Variants in PDLIM5 observed in about 807,000 individuals in gnomAD.
The protein encoded by PDLIM5 is PDZ and LIM domain protein 5.
A neutral mutation model predicts 64.2 loss-of-function variants in PDLIM5; 34 were observed. That is an observed-to-expected ratio of 0.53 (90% CI 0.40 to 0.71). The LOEUF (loss-of-function observed/expected upper bound fraction) is 0.71. PDLIM5 is among the 30% of genes least tolerant of loss of function. The pLI is 0.00. For synonymous variants in PDLIM5, 253 were observed against 269.1 expected, an observed-to-expected ratio of 0.94 and a Z score of 0.59; for missense variants, 683 against 733.6, an observed-to-expected ratio of 0.93 and a Z score of 0.80.
chr4:94,530,510 AATAT>A lies in PDLIM5; in HGVS notation c.248+6669_248+6672del, dbSNP rs36209951. On this transcript the variant is annotated intron_variant, in intron 3 of 12. Coordinates refer to ENST00000317968, the MANE Select transcript of PDLIM5 (RefSeq NM_006457.5). ...TAAATTAATCCTCTTGGAATCACAG[AATAT>A]ATATATATATATATATATATATATA... is the stretch of plus-strand genomic sequence containing the variant. 2.6e-3 allele frequency among the ~76,000 whole-genome samples: 365 copies of A among 140,564 alleles called. 4 individuals are homozygous for A. The highest frequency in any genetic ancestry group is 9.8e-3 in the African/African-American group (346 of 35,174). The allele number at this position is 140,564 out of a possible 152,430, so 92.2% of individuals were successfully genotyped here.
chr4:94,533,766 A>G (rs909787480), intron 3 of PDLIM5, among the ~76,000 whole-genome samples: 3 of 152,194 alleles, frequency 2.0e-5, no homozygotes, highest in Non-Finnish European at 2.9e-5. Flanking sequence ...TACGGTATCC[A>G]TTGTAAAGTA....
chr4:94,523,889 T>C lies in PDLIM5; in HGVS notation c.248+14T>C, dbSNP rs1730085865. ...GACTCTGCAAAGGTAAGTTGCTTTT[T>C]GTTTGTCCCTGAAAGAGAAAACAAC... On this transcript the variant is annotated intron_variant, in intron 3 of 12. Transcript: ENST00000317968. The C allele has an allele frequency of 1.9e-6, 3 of 1,602,450 alleles. No individual in the cohort carries two copies. The highest frequency in any genetic ancestry group is 1.7e-5 in the Admixed American group (1 of 59,400).
At chr4:94,567,946 G>T (rs1348775267) in intron 3 of PDLIM5, among the ~76,000 whole-genome samples, 1 of 152,144 alleles carries the variant, frequency 6.6e-6, no homozygotes, top group Non-Finnish European at 1.5e-5. Context: ...AAAAGTTTTG[G>T]GTAGAGGAGA....
chr4:94,549,334 A>G (rs891172825), intron 3 of PDLIM5, among the ~76,000 whole-genome samples: 1 of 152,032 alleles, frequency 6.6e-6, no homozygotes, highest in Non-Finnish European at 1.5e-5. Flanking sequence ...TAGATTGCCT[A>G]TTTGTATGTA....
At chr4:94,634,829 C>G in intron 8 of PDLIM5, among the ~76,000 whole-genome samples, 1 of 152,130 alleles carries the variant, frequency 6.6e-6, no homozygotes, top group East Asian at 1.9e-4. Flanking sequence ...ACACGTACTA[C>G]CGGGAACTTG....
At chr4:94,626,421 C>G (rs534829954) in intron 8 of PDLIM5, among the ~76,000 whole-genome samples, 2 of 152,282 alleles carry the variant, frequency 1.3e-5, no homozygotes, top group East Asian at 3.9e-4. Flanking sequence ...GTTTAGAGTT[C>G]TGTAGTGAGT....
rs576758803 is a variant in PDLIM5, at chr4:94,648,850, G to A, written c.1284-5610G>A. Among the ~76,000 whole-genome samples the A allele has an allele frequency of 1.1e-3, 172 of 152,318 alleles. 1 individual carries two copies. The highest frequency in any genetic ancestry group is 3.9e-3 in the African/African-American group (164 of 41,582). On this transcript the variant is annotated intron_variant, in intron 9 of 12. Coordinates refer to ENST00000317968, the MANE Select transcript of PDLIM5 (RefSeq NM_006457.5). The stretch of plus-strand genomic sequence containing the variant: ...TTTCTTCCTCAGGGCCAGCAGTAGA[G>A]CCTCTCCTGTTGCTTTTTAACTTCT...
intron 11 of PDLIM5, among the ~76,000 whole-genome samples, chr4:94,661,822 CTT>C (rs869268659): frequency 2.8e-5 from 4 of 142,302 alleles, no homozygotes; most frequent in Non-Finnish European, 3.1e-5. Flanking sequence ...CAGAACAGTT[CTT>C]TTTTTTTTTT....
chr4:94,474,564 T>A (rs1316888119), intron 2 of PDLIM5, among the ~76,000 whole-genome samples: 1 of 152,188 alleles, frequency 6.6e-6, no homozygotes, highest in African/African-American at 2.4e-5. Context: ...TTACACCTTT[T>A]GAAGACAGCT....
chr4:94,566,714 A>G (rs776870762), intron 3 of PDLIM5, among the ~76,000 whole-genome samples: 13 of 152,230 alleles, frequency 8.5e-5, no homozygotes, highest in Non-Finnish European at 1.8e-4. Context: ...AGGCCTGAAT[A>G]TGAAAGGCGG....
intron 4 of PDLIM5, among the ~76,000 whole-genome samples, chr4:94,574,811 C>T (rs1370783683): frequency 6.6e-6 from 1 of 151,790 alleles, no homozygotes; most frequent in East Asian, 1.9e-4. Context: ...GTTGTTTTTT[C>T]TTTGGCTGCT....
rs1310190171 is a variant in PDLIM5, at chr4:94,575,812, C to A, written c.488C>A (p.Pro163His). ...AHATTSSHASPSPVAAVTPPL... is the reference protein window; with the variant it reads ...AHATTSSHASHSPVAAVTPPL... ...GCGACCACCTCATCACATGCTTCCCCTTCACCCGTGGCTGCCGTCACTCCT... is the reference window on the plus strand; with the variant it reads ...GCGACCACCTCATCACATGCTTCCCATTCACCCGTGGCTGCCGTCACTCCT... The change falls in exon 5 of 13, where the codon CCT becomes CAT. Residue 163 changes from proline (P) to histidine (H), a missense_variant. Pro to His is a moderately conservative substitution (Grantham distance 77). Transcript: ENST00000317968. 1 of 1,614,162 alleles carries A rather than the reference C, an allele frequency of 6.2e-7. No homozygotes were observed.
chr4:94,518,027 T>A (rs188500206), intron 2 of PDLIM5, among the ~76,000 whole-genome samples: 4 of 152,322 alleles, frequency 2.6e-5, no homozygotes, highest in Admixed American at 2.6e-4. Flanking sequence ...ATTGTGTACA[T>A]TTTGAGTATT....
At chr4:94,471,730 A>T (rs1724887093) in intron 2 of PDLIM5, among the ~76,000 whole-genome samples, 1 of 152,162 alleles carries the variant, frequency 6.6e-6, no homozygotes. Flanking sequence ...AAGGGTAAAA[A>T]TATTTGCATC....
intron 2 of PDLIM5, chr4:94,455,871 A>G (rs1723300981): frequency 7.2e-7 from 1 of 1,391,776 alleles, no homozygotes; most frequent in Non-Finnish European, 9.8e-7. Context: ...AAAGCTACTT[A>G]CCCTTGAAGA....
intron 2 of PDLIM5, among the ~76,000 whole-genome samples, chr4:94,496,325 AAG>A (rs1301837089): frequency 1.2e-4 from 18 of 152,326 alleles, no homozygotes; most frequent in Non-Finnish European, 2.4e-4. Flanking sequence ...TGATCAGTAC[AAG>A]ATTTTTTCCA....
rs949496053 is a variant in PDLIM5, at chr4:94,664,254, T to C, written c.*187T>C. ...GGCTTCATAAAGTAAAGAGACGGTTTGGCATTTATTATTACTTTTTCCTGT... is the reference window on the plus strand; with the variant it reads ...GGCTTCATAAAGTAAAGAGACGGTTCGGCATTTATTATTACTTTTTCCTGT... On this transcript the variant is annotated 3_prime_UTR_variant, in exon 13 of 13. Transcript: ENST00000317968. 2.8e-6 allele frequency: 3 copies of C among 1,072,342 alleles called. No individual in the cohort carries two copies. Among genetic ancestry groups the C allele is most frequent in the Non-Finnish European group, 3.5e-6 (3 of 859,820 alleles). 66.4% of individuals were successfully genotyped at this position (1,072,342 alleles called of 1,614,324 possible).
At chr4:94,581,767 T>C (rs1232758870) in intron 5 of PDLIM5, among the ~76,000 whole-genome samples, 1 of 152,222 alleles carries the variant, frequency 6.6e-6, no homozygotes, top group African/African-American at 2.4e-5. Flanking sequence ...ATACAGTTTA[T>C]ACTTTAGTCT....
intron 8 of PDLIM5, among the ~76,000 whole-genome samples, chr4:94,626,184 A>G (rs1287364568): frequency 2.6e-5 from 4 of 152,284 alleles, no homozygotes; most frequent in Non-Finnish European, 5.9e-5. Flanking sequence ...CTATTTGAGG[A>G]TTGGGAACTC....
Sources: gnomAD v4.1 joint callset for allele counts (sites outside exome capture counted in the v4.1 genomes callset) on GRCh38, gnomAD v4.1.1 for gene constraint, MANE v1.5 for transcripts, NCBI Gene and HGNC (gene_info 2026-07-23, HGNC 2026-07-21) for gene names.